The following PRMT8 variants were observed in gnomAD, a reference collection of about 807,000 sequenced individuals.
PRMT8 encodes the protein protein arginine methyltransferase 8, also known as protein arginine N-methyltransferase 8.
A neutral mutation model predicts 47.1 loss-of-function variants in PRMT8; 7 were observed. The ratio of observed to expected loss-of-function variants is 0.15; its 90% CI spans 0.08 to 0.28. The LOEUF is 0.28. Ranked by LOEUF, PRMT8 falls within the 10% of genes least tolerant of loss-of-function variation. The probability of loss-of-function intolerance (pLI) is 1.00; values close to 1 mark genes in which losing one functional copy is unlikely to be tolerated. For synonymous variants in PRMT8, 188 were observed against 186.5 expected, an observed-to-expected ratio of 1.01 and a Z score of -0.07; for missense variants, 237 against 505.4, an observed-to-expected ratio of 0.47 and a Z score of 5.09.
chr12:3,420,092 G>C (rs10774145), intron 1 of PRMT8, among the ~76,000 whole-genome samples: 3 of 150,030 alleles, frequency 2.0e-5, no homozygotes, highest in African/African-American at 7.4e-5. Context: ...TACTGAACCA[G>C]TGGCCAACAT....
chr12:3,491,205 T>C lies in PRMT8; in HGVS notation c.-421T>C, dbSNP rs1865389299. On this transcript the variant is annotated 5_prime_UTR_variant, in exon 1 of 10. Transcript: ENST00000382622. ...GAGAGACGCGCAGGAAGCGTGTTGC[T>C]TCGCCCAGCGGATCGGCAGAAGTTG... 4.0e-6 allele frequency: 4 copies of C among 996,150 alleles called. No homozygotes were observed. The highest frequency in any genetic ancestry group is 4.8e-6 in the Non-Finnish European group (4 of 837,012). 61.7% of individuals were successfully genotyped at this position (996,150 alleles called of 1,614,324 possible).
At chr12:3,496,214 A>ATATATATATATTTTT in intron 1 of PRMT8, among the ~76,000 whole-genome samples, 4 of 27,776 alleles carry the variant, frequency 1.4e-4, no homozygotes, top group Non-Finnish European at 2.4e-4. Flanking sequence ...ATATATATAT[A>ATATATATATATTTTT]TTTTTTTTTT....
intron 1 of PRMT8, among the ~76,000 whole-genome samples, chr12:3,442,462 T>C (rs1452738083): frequency 6.6e-6 from 1 of 152,150 alleles, no homozygotes; most frequent in African/African-American, 2.4e-5. Flanking sequence ...TGGTGACATC[T>C]TTCCTGATCT....
chr12:3,520,357 G>A (rs942089265), intron 1 of PRMT8, among the ~76,000 whole-genome samples: 3 of 152,200 alleles, frequency 2.0e-5, no homozygotes, highest in African/African-American at 7.2e-5. Flanking sequence ...TCAAACCAGC[G>A]GCTCTTGGCC....
Position 3,453,934 on chromosome 12 carries a change from G to A in PRMT8, c.48+72492G>A, listed in dbSNP as rs983488979. The stretch of plus-strand genomic sequence containing the variant: ...CGGGGTGCCTCGTGTGCTCCTCATG[G>A]CACATTTACCATGGGCTTTTTCAGG... On this transcript the variant is annotated intron_variant, in intron 1 of 9. Transcript: ENST00000452611. The surrounding 1 kb of genome is among the most constrained non-coding windows in gnomAD (Gnocchi z 4.9). Among the ~76,000 whole-genome samples the A allele has an allele frequency of 2.0e-5, 3 of 152,194 alleles. No individual in the cohort carries two copies. Among genetic ancestry groups the A allele is most frequent in the Non-Finnish European group, 4.4e-5 (3 of 68,042 alleles).
chr12:3,482,574 A>T (rs1865284984), intron 1 of PRMT8, among the ~76,000 whole-genome samples: 1 of 152,230 alleles, frequency 6.6e-6, no homozygotes, highest in South Asian at 2.1e-4. Flanking sequence ...TGGATGTGAA[A>T]GAAAGAGCTG....
chr12:3,497,892 A>G (rs1046897028), intron 1 of PRMT8, among the ~76,000 whole-genome samples: 2 of 152,224 alleles, frequency 1.3e-5, no homozygotes, highest in South Asian at 2.1e-4. Flanking sequence ...GGAGATAGGA[A>G]CTACTTGTCC....
At chr12:3,473,795 C>T (rs1164492391) in intron 1 of PRMT8, among the ~76,000 whole-genome samples, 1 of 152,164 alleles carries the variant, frequency 6.6e-6, no homozygotes, top group Non-Finnish European at 1.5e-5. Flanking sequence ...ATCCCATGAG[C>T]CCCAGCCCCG....
intron 1 of PRMT8, among the ~76,000 whole-genome samples, chr12:3,504,457 T>A (rs1310896953): frequency 8.5e-6 from 1 of 117,068 alleles, no homozygotes; most frequent in South Asian, 3.8e-4. Flanking sequence ...TGGAATACCC[T>A]GCCGTGTGAG....
At chr12:3,425,860 C>A (rs1215073682) in intron 1 of PRMT8, among the ~76,000 whole-genome samples, 1 of 152,256 alleles carries the variant, frequency 6.6e-6, no homozygotes, top group Non-Finnish European at 1.5e-5. Flanking sequence ...TAAAGGCCTA[C>A]CACACATCCG....
chr12:3,382,590 G>A (rs1864102683), intron 1 of PRMT8, among the ~76,000 whole-genome samples: 1 of 152,012 alleles, frequency 6.6e-6, no homozygotes, highest in African/African-American at 2.4e-5. Flanking sequence ...TGAGTTTTAA[G>A]AGTTCTTATG....
chr12:3,446,856 A>G lies in PRMT8; in HGVS notation c.48+65414A>G, dbSNP rs532852794. Among the ~76,000 whole-genome samples, 3 of 152,322 alleles carry G rather than the reference A, an allele frequency of 2.0e-5. No individual in the cohort carries two copies. The East Asian group carries it at 5.8e-4, about 29-fold the overall frequency. The stretch of plus-strand genomic sequence containing the variant: ...TGCCCCATGTGCTTTAGAAGAGCAT[A>G]CTGCTTTTTCAGAATGGTGTTGATC... On this transcript the variant is annotated intron_variant, in intron 1 of 9. Coordinates refer to the PRMT8 transcript ENST00000452611.
chr12:3,571,814 A>C (rs1281477611), intron 6 of PRMT8, among the ~76,000 whole-genome samples: 1 of 152,184 alleles, frequency 6.6e-6, no homozygotes, highest in African/African-American at 2.4e-5. Context: ...ACCCACTTAG[A>C]AATTCATTTC....
chr12:3,458,872 C>A (rs1381163838), intron 1 of PRMT8, among the ~76,000 whole-genome samples: 1 of 152,216 alleles, frequency 6.6e-6, no homozygotes, highest in Non-Finnish European at 1.5e-5. Flanking sequence ...GAGGTTTTCC[C>A]AAGCCCCCCA....
At chr12:3,509,058 C>G (rs75364951) in intron 1 of PRMT8, among the ~76,000 whole-genome samples, 1,956 of 152,304 alleles carry the variant, frequency 0.013, 24 homozygotes, top group Non-Finnish European at 0.021. Flanking sequence ...CTGCAGTGAT[C>G]TTTTAGATGT....
intron 1 of PRMT8, among the ~76,000 whole-genome samples, chr12:3,468,319 A>G (rs1865124168): frequency 6.6e-6 from 1 of 152,218 alleles, no homozygotes; most frequent in East Asian, 1.9e-4. Context: ...AGCCATTCCC[A>G]TCGGCCAGGA....
At chr12:3,523,051 C>A (rs1029047490) in intron 1 of PRMT8, among the ~76,000 whole-genome samples, 2 of 152,008 alleles carry the variant, frequency 1.3e-5, no homozygotes, top group South Asian at 2.1e-4. Context: ...GAATTAAAAC[C>A]TCCACCCCCC....
intron 1 of PRMT8, among the ~76,000 whole-genome samples, chr12:3,381,919 A>G (rs1864095999): frequency 6.6e-6 from 1 of 152,136 alleles, no homozygotes; most frequent in African/African-American, 2.4e-5. Context: ...CCACTAATTC[A>G]TTCTCTATTT....
chr12:3,431,515 G>T (rs1864676626), intron 1 of PRMT8, among the ~76,000 whole-genome samples: 1 of 152,156 alleles, frequency 6.6e-6, no homozygotes, highest in African/African-American at 2.4e-5. Context: ...CCAAGTGTGA[G>T]ACCTGGGGAC....
Sources: allele counts gnomAD v4.1 joint callset (sites outside exome capture counted in the v4.1 genomes callset), GRCh38; gene constraint gnomAD v4.1.1; non-coding constraint Gnocchi (gnomAD v3.1); transcripts MANE v1.5; gene names NCBI Gene and HGNC (gene_info 2026-07-23, HGNC 2026-07-21).